The following ARAP2 variants were observed in gnomAD, a reference collection of about 807,000 sequenced individuals.
The protein encoded by ARAP2 is ArfGAP with RhoGAP domain, ankyrin repeat and PH domain 2, also known as arf-GAP with Rho-GAP domain, ANK repeat and PH domain-containing protein 2.
Under a neutral mutation model 194.5 loss-of-function variants are expected in ARAP2, and 148 were observed. The observed-to-expected ratio is 0.76, with a 90% CI of 0.67 to 0.87. The LOEUF is 0.87. Ranked by LOEUF, ARAP2 falls within the 40% of genes least tolerant of loss-of-function variation. The probability of loss-of-function intolerance (pLI) is 0.00; values close to 1 mark genes in which losing one functional copy is unlikely to be tolerated. For missense variants in ARAP2, 2,128 were observed against 1,989.7 expected (o/e 1.07, Z -1.32); for synonymous variants, 695 against 683.5 (o/e 1.02, Z -0.26).
chr4:36,107,156 TGA>T, intron 27 of ARAP2, among the ~76,000 whole-genome samples: 1 of 152,120 alleles, frequency 6.6e-6, no homozygotes, highest in East Asian at 1.9e-4. Context: ...CACAAAAATG[TGA>T]GATATATAGC....
chr4:36,012,955 A>G (rs187281917), intron 8 of ARAP2: 2 of 152,348 alleles, frequency 1.3e-5, no homozygotes, highest in African/African-American at 4.8e-5. Flanking sequence ...TAAAATATAT[A>G]CAAATAAAAT....
At chr4:36,221,029 C>T (rs1749058649) in intron 2 of ARAP2, among the ~76,000 whole-genome samples, 1 of 151,980 alleles carries the variant, frequency 6.6e-6, no homozygotes, top group Non-Finnish European at 1.5e-5. Context: ...TACAAGTGTA[C>T]TATTTTTTAT....
At chr4:36,094,874 A>G (rs961911924) in intron 27 of ARAP2, among the ~76,000 whole-genome samples, 1 of 152,190 alleles carries the variant, frequency 6.6e-6, no homozygotes, top group Non-Finnish European at 1.5e-5. Flanking sequence ...AAACTTATCC[A>G]AGGCACACAG....
chr4:36,220,455 T>C (rs1016340959), intron 2 of ARAP2, among the ~76,000 whole-genome samples: 1 of 152,190 alleles, frequency 6.6e-6, no homozygotes, highest in Non-Finnish European at 1.5e-5. Context: ...GTATAGTGCA[T>C]AAAATTATGC....
intron 1 of ARAP2, among the ~76,000 whole-genome samples, chr4:36,058,611 C>T (rs1052753417): frequency 9.2e-5 from 14 of 152,158 alleles, no homozygotes; most frequent in African/African-American, 3.1e-4. Flanking sequence ...TTTTGTTTCC[C>T]ATTGTTTCTA....
At chr4:36,148,651 T>C in intron 16 of ARAP2, 144 bp from the exon 17 acceptor site, 1 of 630,800 alleles carries the variant, frequency 1.6e-6, no homozygotes, top group South Asian at 2.1e-5. Context: ...TGTTAATGGT[T>C]TGCATTTTAT....
At chr4:36,060,082 A>G (rs1455336748) in intron 1 of ARAP2, among the ~76,000 whole-genome samples, 1 of 152,152 alleles carries the variant, frequency 6.6e-6, no homozygotes, top group African/African-American at 2.4e-5. Context: ...TATCTTATGA[A>G]GGTTGTTGTT....
At chr4:36,181,004 C>T (rs1031356701) in intron 8 of ARAP2, among the ~76,000 whole-genome samples, 1 of 152,192 alleles carries the variant, frequency 6.6e-6, no homozygotes, top group Non-Finnish European at 1.5e-5. Flanking sequence ...GGGGAATATG[C>T]TTTGATAAGT....
At chr4:36,105,294 A>T (rs1718091918) in intron 27 of ARAP2, among the ~76,000 whole-genome samples, 1 of 151,988 alleles carries the variant, frequency 6.6e-6, no homozygotes, top group Admixed American at 6.6e-5. Context: ...GTGGCACTCT[A>T]GCCTAGGTGA....
intron 2 of ARAP2, among the ~76,000 whole-genome samples, chr4:36,224,382 C>A (rs1031293197): frequency 1.3e-5 from 2 of 150,606 alleles, no homozygotes; most frequent in Non-Finnish European, 1.5e-5. Flanking sequence ...ACAGACAAAT[C>A]TGAATTCAGA....
chr4:36,131,904 T>C (rs995519772), intron 20 of ARAP2, among the ~76,000 whole-genome samples: 14 of 151,748 alleles, frequency 9.2e-5, no homozygotes, highest in Non-Finnish European at 1.6e-4. Context: ...AAGAAAAACA[T>C]ATCATAGCAG....
At chr4:36,230,703 C>A (rs1751283790) in intron 1 of ARAP2, among the ~76,000 whole-genome samples, 1 of 152,150 alleles carries the variant, frequency 6.6e-6, no homozygotes, top group South Asian at 2.1e-4. Flanking sequence ...AGGCATGACA[C>A]ACATACACTG....
chr4:36,099,048 A>C (rs567304349), intron 27 of ARAP2, among the ~76,000 whole-genome samples: 20 of 145,636 alleles, frequency 1.4e-4, no homozygotes, highest in East Asian at 4.0e-4. Context: ...CCCTCCCCCT[A>C]CCCTCCCCTC....
In ARAP2 at chr4:36,231,909, C is replaced by T. The variant is rs528006279; in HGVS notation, c.-159-2264G>A. Among the ~76,000 whole-genome samples the T allele has an allele frequency of 2.0e-5, 3 of 152,254 alleles. No homozygotes were observed. In the South Asian group the frequency reaches 6.2e-4, roughly 32 times the overall value. On this transcript the variant is annotated intron_variant, in intron 1 of 32. Coordinates refer to ENST00000303965, the MANE Select transcript of ARAP2 (RefSeq NM_015230.4). ...CCATGACTGTACTTGGAGACAGGGC[C>T]TCCAAGGAGATAATTAAGGTTAAAT... is the stretch of plus-strand genomic sequence containing the variant.
At chr4:36,030,352 A>G (rs1718712263) in intron 5 of ARAP2, among the ~76,000 whole-genome samples, 2 of 152,094 alleles carry the variant, frequency 1.3e-5, no homozygotes, top group African/African-American at 4.8e-5. Context: ...GGAATTTGTT[A>G]TCTCCAAAGT....
chr4:36,124,783 G>C, intron 22 of ARAP2, 79 bp downstream of exon 22: 2 of 882,858 alleles, frequency 2.3e-6, no homozygotes, highest in Non-Finnish European at 3.6e-6. Flanking sequence ...TACGTAGAAA[G>C]ATTCACAATC....
intron 27 of ARAP2, among the ~76,000 whole-genome samples, chr4:36,106,372 T>A (rs1402595717): frequency 1.3e-5 from 2 of 151,992 alleles, no homozygotes; most frequent in Non-Finnish European, 2.9e-5. Context: ...AGAGTTAGTA[T>A]CTGTTTTGGC....
chr4:36,147,740 C>A lies in ARAP2; in HGVS notation c.3007G>T (p.Val1003Phe), dbSNP rs769624960. The change falls in exon 18 of 33, where the codon GTT (valine) becomes TTT (phenylalanine). Residue 1003 changes from valine (V) to phenylalanine (F), a missense_variant. Coordinates refer to ENST00000303965, the MANE Select transcript of ARAP2 (RefSeq NM_015230.4). ...GTTAAGTTTTCAGCAAATAAGGGAA[C>A]AAAATGCTGTTAAAACAAATACAAA... Reference protein sequence around the residue: ...KWTEAIAKHFVPLFAENLTEA... With the variant: ...KWTEAIAKHFFPLFAENLTEA... 1.2e-6 allele frequency: 2 copies of A among 1,602,524 alleles called. No individual in the cohort carries two copies. The highest frequency in any genetic ancestry group is 1.7e-6 in the Non-Finnish European group (2 of 1,175,944).
rs571549009 is a variant in ARAP2 at position 36,210,652 on chromosome 4, T to G, written c.1225A>C (p.Thr409Pro). The G allele has an allele frequency of 6.2e-7, 1 of 1,613,718 alleles. No homozygotes were observed. The highest frequency in any genetic ancestry group is 1.7e-5 in the Admixed American group (1 of 59,996). The change falls in exon 6 of 33, where the codon ACT becomes CCT. Residue 409 changes from threonine to proline, a missense_variant. Thr to Pro is a conservative substitution (Grantham distance 38). Transcript: ENST00000303965. ...REDKNNFLIDTASESEYSTVE... is the reference protein window; with the variant it reads ...REDKNNFLIDPASESEYSTVE... ...GTTGAGTATTCTGATTCAGAAGCAG[T>G]GTCTATCAAAAAATTGTTTTTGTCC...
Sources: allele counts gnomAD v4.1 joint callset (sites outside exome capture counted in the v4.1 genomes callset), GRCh38; gene constraint gnomAD v4.1.1; transcripts MANE v1.5; gene names NCBI Gene and HGNC (gene_info 2026-07-23, HGNC 2026-07-21).